Variants in WNK2 observed in about 807,000 individuals in gnomAD.
WNK2 encodes the protein WNK lysine deficient protein kinase 2.
WNK2 carries 67 observed loss-of-function variants against 192.1 expected under a neutral mutation model. The ratio of observed to expected loss-of-function variants is 0.35; its 90% CI spans 0.29 to 0.43. The LOEUF is 0.43. WNK2 is among the 20% of genes least tolerant of loss of function. WNK2 has a pLI of 1.00. For missense variants in WNK2, 2,698 were observed against 3,089.7 expected, an observed-to-expected ratio of 0.87 and a Z score of 3.01; for synonymous variants, 1,439 against 1,393.9, an observed-to-expected ratio of 1.03 and a Z score of -0.72.
chr9:93,262,142 G>A, intron 13 of WNK2, 35 bp downstream of exon 13: 1 of 1,540,886 alleles, frequency 6.5e-7, no homozygotes, highest in African/African-American at 1.4e-5. Flanking sequence ...TCCCATGACT[G>A]GGCAGTTGCG....
chr9:93,201,489 G>C (rs1039486522), intron 2 of WNK2, among the ~76,000 whole-genome samples: 1 of 152,254 alleles, frequency 6.6e-6, no homozygotes, highest in African/African-American at 2.4e-5. Context: ...TCTTCCTGCT[G>C]TAGAGCTTGT....
At chr9:93,272,298 A>C (rs1846112042) in intron 19 of WNK2, among the ~76,000 whole-genome samples, 1 of 152,216 alleles carries the variant, frequency 6.6e-6, no homozygotes, top group South Asian at 2.1e-4. Context: ...CTTCCATTCC[A>C]CCAGTGTGGC....
At chr9:93,231,145 A>T (rs768103329) in intron 4 of WNK2, 37 bp downstream of exon 4, 1 of 1,598,072 alleles carries the variant, frequency 6.3e-7, no homozygotes, top group Non-Finnish European at 8.6e-7. Context: ...CTTGGAGCCC[A>T]TGAGAAGCTG....
chr9:93,288,818 CGAA>C lies in WNK2; in HGVS notation c.4066_4068del (p.Lys1356del), dbSNP rs778186348. 15 of 1,612,092 alleles carry C rather than the reference CGAA, an allele frequency of 9.3e-6. No homozygotes were observed. The South Asian group carries it at 1.6e-4, about 18-fold the overall frequency. ...GCGCCCTATAAAGACCAGCTGTCCT[CGAA>C]GGAACAACCCAGCTTTCTAGCCAGT... On this transcript the variant is annotated inframe_deletion, in exon 20 of 30. Transcript: ENST00000427277.
chr9:93,299,862 T>C (rs1851299491), intron 25 of WNK2, among the ~76,000 whole-genome samples, 189 bp from the exon 26 acceptor site: 1 of 126,570 alleles, frequency 7.9e-6, no homozygotes, highest in African/African-American at 3.0e-5. Context: ...TCCGGGCTGC[T>C]TCTCTTCTGC....
rs1373165999 is a variant in WNK2 at position 93,257,952 on chromosome 9, GA to G, written c.2382+814del. Reference sequence around the variant, plus strand: ...CGGTGACCCGGACAGGCTGATCAGTGATAAGACTGGAAGTGTGCTTCACTCT... The same window carrying G: ...CGGTGACCCGGACAGGCTGATCAGTGTAAGACTGGAAGTGTGCTTCACTCT... On this transcript the variant is annotated intron_variant, in intron 11 of 29. Coordinates refer to ENST00000427277, the MANE Select transcript of WNK2 (RefSeq NM_006648.4). The surrounding 1 kb of genome is among the most constrained non-coding windows in gnomAD (Gnocchi z 4.7). Among the ~76,000 whole-genome samples the G allele has an allele frequency of 3.3e-5, 5 of 152,238 alleles. No individual in the cohort carries two copies. Among genetic ancestry groups the G allele is most frequent in the Admixed American group, 3.3e-4 (5 of 15,286 alleles).
At chr9:93,274,523 A>G (rs11792216) in intron 19 of WNK2, among the ~76,000 whole-genome samples, 15,956 of 53,814 alleles carry the variant, frequency 0.3, 463 homozygotes, top group Middle Eastern at 0.43. Context: ...ACCAAAAAAA[A>G]AAAAAAAAAA....
intron 28 of WNK2, 120 bp from the exon 29 acceptor site, chr9:93,317,400 C>A: frequency 4.5e-6 from 4 of 887,786 alleles, no homozygotes; most frequent in Non-Finnish European, 7.0e-6. Flanking sequence ...CCTGTCACAG[C>A]AGGTTCCAGG....
intron 9 of WNK2, 91 bp from the exon 10 acceptor site, chr9:93,256,208 C>A: frequency 7.3e-7 from 1 of 1,363,158 alleles, no homozygotes; most frequent in African/African-American, 1.5e-5. Flanking sequence ...GGACCAGGCA[C>A]AGGGATGACA....
At chr9:93,268,816 A>T (rs774920586) in intron 19 of WNK2, 70 bp downstream of exon 19, 2 of 1,581,048 alleles carry the variant, frequency 1.3e-6, no homozygotes, top group South Asian at 2.3e-5. Flanking sequence ...TGCATGACCC[A>T]GCCGGTATGT....
At position 93,306,909 on chromosome 9, in the gene WNK2, C is replaced by T. The variant is rs544039169; in HGVS notation, c.6259+88C>T. On this transcript the variant is annotated intron_variant, in intron 27 of 29. Coordinates refer to ENST00000427277, the MANE Select transcript of WNK2 (RefSeq NM_006648.4). ...GCACATCAGGGTTCCCGCGGCCGGG[C>T]GGGCGTGGGCCTGCCCTGTGCCTGC... is the stretch of plus-strand genomic sequence containing the variant. The T allele has an allele frequency of 4.6e-4, 724 of 1,561,500 alleles. 5 individuals carry two copies. Among genetic ancestry groups the T allele is most frequent in the African/African-American group, 1.9e-3 (142 of 73,946 alleles).
rs180865691 is a variant in WNK2, at chr9:93,271,935, G to T, written c.4033+3189G>T. ...TGATTTGAGTGACTATAGATTTCTC[G>T]CCAGAAAGTGTGGTGTACAGAAGAA... On this transcript the variant is annotated intron_variant, in intron 19 of 29. Coordinates refer to ENST00000427277, the MANE Select transcript of WNK2 (RefSeq NM_006648.4). Among the ~76,000 whole-genome samples, 7 of 152,322 alleles carry T rather than the reference G, an allele frequency of 4.6e-5. No homozygotes were observed. The South Asian group carries it at 1.0e-3, about 23-fold the overall frequency.
chr9:93,247,250 T>A lies in WNK2; in HGVS notation c.1543-293T>A, dbSNP rs62571738. Among the ~76,000 whole-genome samples the A allele has an allele frequency of 8.3e-4, 126 of 152,300 alleles. No homozygotes were observed. The highest frequency in any genetic ancestry group is 1.3e-3 in the Non-Finnish European group (90 of 68,018). On this transcript the variant is annotated intron_variant, in intron 7 of 29. Transcript: ENST00000427277. The surrounding 1 kb of genome is among the most constrained non-coding windows in gnomAD (Gnocchi z 5.2). ...CGTCTGCCACCAGCCCCGGGGGCGCTGGGAGCTCAGGGAGCCCTTGGGTCC... is the reference window on the plus strand; with the variant it reads ...CGTCTGCCACCAGCCCCGGGGGCGCAGGGAGCTCAGGGAGCCCTTGGGTCC...
Position 93,292,892 on chromosome 9 carries a change from TG to T in WNK2, c.5431del (p.Asp1811ThrfsTer18). 1 of 1,517,966 alleles carries T rather than the reference TG, an allele frequency of 6.6e-7. No individual in the cohort carries two copies. Among genetic ancestry groups the T allele is most frequent in the Admixed American group, 2.1e-5 (1 of 48,134 alleles). 94.0% of individuals were successfully genotyped at this position (1,517,966 alleles called of 1,614,324 possible). On this transcript the variant is annotated frameshift_variant, in exon 23 of 30. Coordinates refer to ENST00000427277, the MANE Select transcript of WNK2 (RefSeq NM_006648.4). LOFTEE classifies it high-confidence loss of function. ...TGGGCGAGCCCGTGTCCAGCGACTC[TG>T]GGGACGAGGGCCCTCGGGCGAGACC... ...GVGEPVSSDS[G>X]DEGPRARPPV...
rs1359371880 is a variant in WNK2, at chr9:93,229,587, G to A, written c.682-109G>A. On this transcript the variant is annotated intron_variant, in intron 2 of 29. Coordinates refer to ENST00000427277, the MANE Select transcript of WNK2 (RefSeq NM_006648.4). The surrounding 1 kb of genome is among the most constrained non-coding windows in gnomAD (Gnocchi z 4.9). ...CTATCATAGCCGCTTAGCTGCCTGT[G>A]GGTATGGGAAGGGCTGGTCCTACTG... The A allele has an allele frequency of 7.9e-7, 1 of 1,258,376 alleles. No individual in the cohort carries two copies. The highest frequency in any genetic ancestry group is 1.1e-6 in the Non-Finnish European group (1 of 917,754). The allele number at this position is 1,258,376 out of a possible 1,614,324, so 78.0% of individuals were successfully genotyped here. A position where few individuals can be genotyped will look rare whatever the true frequency, so the allele number is the denominator to read the frequency against.
At chr9:93,267,993 T>C (rs1845443483) in intron 17 of WNK2, 27 bp from the exon 18 acceptor site, 1 of 1,609,250 alleles carries the variant, frequency 6.2e-7, no homozygotes, top group African/African-American at 1.3e-5. Flanking sequence ...CTCAGTGGGC[T>C]CATTTCTGAC....
chr9:93,308,606 C>T lies in WNK2; in HGVS notation c.6516+22C>T, dbSNP rs754775914. On this transcript the variant is annotated intron_variant, in intron 28 of 29. Coordinates refer to ENST00000427277, the MANE Select transcript of WNK2 (RefSeq NM_006648.4). ...GGCTGTGAGTGCGGGGCGGGTGGGGCGGGTGCTCCTGGGGTGGGGTAGCCT... is the reference window on the plus strand; with the variant it reads ...GGCTGTGAGTGCGGGGCGGGTGGGGTGGGTGCTCCTGGGGTGGGGTAGCCT... 30 of 382,100 alleles carry T rather than the reference C, an allele frequency of 7.9e-5. No individual in the cohort carries two copies. In the Middle Eastern group the frequency reaches 4.3e-3, roughly 55 times the overall value. The allele number at this position is 382,100 out of a possible 1,614,324, so 23.7% of individuals were successfully genotyped here.
rs142940248 is a variant in WNK2 at position 93,244,042 on chromosome 9, T to C, written c.1543-3501T>C. On this transcript the variant is annotated intron_variant, in intron 7 of 29. Transcript: ENST00000427277. ...AGCTTAGGAGGCCTTTGCTGTGAGC[T>C]GTATCCTGCTGCATGATTTCCAGCC... 6.2e-3 allele frequency among the ~76,000 whole-genome samples: 951 copies of C among 152,368 alleles called. 6 individuals carry two copies. The highest frequency in any genetic ancestry group is 0.01 in the Middle Eastern group (3 of 294).
At chr9:93,220,931 GC>G (rs1487927138) in intron 2 of WNK2, among the ~76,000 whole-genome samples, 7 of 152,210 alleles carry the variant, frequency 4.6e-5, no homozygotes, top group Non-Finnish European at 8.8e-5. Flanking sequence ...GGCCTTCATG[GC>G]TCCATTCTGT....
Sources: allele counts gnomAD v4.1 joint callset (sites outside exome capture counted in the v4.1 genomes callset), GRCh38; gene constraint gnomAD v4.1.1; non-coding constraint Gnocchi (gnomAD v3.1); transcripts MANE v1.5; gene names NCBI Gene and HGNC (gene_info 2026-07-23, HGNC 2026-07-21).